FAM163B: variants seen among roughly 807,000 people sequenced by gnomAD.
The protein encoded by FAM163B is family with sequence similarity 163 member B, also known as protein FAM163B.
A neutral mutation model predicts 7.6 loss-of-function variants in FAM163B; 4 were observed. The observed-to-expected ratio is 0.52, with a 90% CI of 0.26 to 1.20. The LOEUF (loss-of-function observed/expected upper bound fraction) is 1.20. Ranked by LOEUF, FAM163B falls within the 50% of genes most tolerant of loss-of-function variation. The pLI is 0.14. For missense variants in FAM163B, 250 were observed against 243.0 expected (o/e 1.03, Z -0.19); for synonymous variants, 120 against 111.6 (o/e 1.07, Z -0.47).
In FAM163B at chr9:133,606,020, G is replaced by C. The variant is rs763275544; in HGVS notation, c.-24+3057C>G. ...GGGCTCCCAGAGCCTGGTTCCTGTG[G>C]ACTGCGGCGGAAAGCCCAACCACTG... On this transcript the variant is annotated intron_variant, in intron 1 of 2. Transcript: ENST00000673969. This position sits in a 1 kb window ranked among gnomAD's most constrained non-coding sequence, Gnocchi z 4.0. Among the ~76,000 whole-genome samples the C allele has an allele frequency of 7.2e-5, 11 of 152,196 alleles. No individual in the cohort carries two copies. Among genetic ancestry groups the C allele is most frequent in the Non-Finnish European group, 1.2e-4 (8 of 68,050 alleles).
chr9:133,578,861 C>A lies in FAM163B; in HGVS notation c.*161G>T. The A allele has an allele frequency of 7.4e-7, 1 of 1,349,288 alleles. No individual in the cohort carries two copies. The highest frequency in any genetic ancestry group is 9.7e-7 in the Non-Finnish European group (1 of 1,026,720). 83.6% of individuals were successfully genotyped at this position (1,349,288 alleles called of 1,614,324 possible). ...TGTTCAATGAGCCTTATCCCTGCCA[C>A]GAGCCTGGGGGCTCCCCAAGCCTGG... is the stretch of plus-strand genomic sequence containing the variant. On this transcript the variant is annotated 3_prime_UTR_variant, in exon 3 of 3. Transcript: ENST00000673969.
Position 133,603,246 on chromosome 9 carries a change from C to A in FAM163B, c.-24+5831G>T, listed in dbSNP as rs117760184. Among the ~76,000 whole-genome samples the A allele has an allele frequency of 4.5e-3, 682 of 152,302 alleles. 4 individuals are homozygous for A. Among genetic ancestry groups the A allele is most frequent in the Non-Finnish European group, 5.4e-3 (369 of 68,022 alleles). ...ATGCTACAGAGAAACCACTGATGCA[C>A]CCAGGCGCCTCCTCCCCTACTGCTG... On this transcript the variant is annotated intron_variant, in intron 1 of 2. Transcript: ENST00000673969.
Position 133,579,030 on chromosome 9 carries a change from C to T in FAM163B, c.493G>A (p.Asp165Asn), listed in dbSNP as rs1027102743. The T allele has an allele frequency of 5.4e-5, 84 of 1,541,912 alleles. 1 individual carries two copies. Among genetic ancestry groups the T allele is most frequent in the South Asian group, 2.7e-4 (22 of 82,482 alleles). ...CCGGGGGCGGGCCCAGGTCACACGT[C>T]GGTGCTGATGCTGCGGCTCCTGGCG... ...AFARSRSIST[D>N]V Residue 165 changes from aspartate (D) to asparagine (N), a missense_variant, in exon 3 of 3, where the codon GAC (aspartate) becomes AAC (asparagine). Transcript: ENST00000673969.
At chr9:133,587,292 G>A (rs996455598) in intron 1 of FAM163B, among the ~76,000 whole-genome samples, 2 of 152,214 alleles carry the variant, frequency 1.3e-5, no homozygotes, top group Non-Finnish European at 2.9e-5. Flanking sequence ...GGGAGTCGAG[G>A]GGTGTTGTGG....
At chr9:133,591,873 C>G (rs923801584) in intron 1 of FAM163B, among the ~76,000 whole-genome samples, 7 of 152,108 alleles carry the variant, frequency 4.6e-5, no homozygotes, top group African/African-American at 1.7e-4. Flanking sequence ...TGGGGATGCA[C>G]CTGCTGGCCT....
rs1032132550 is a variant in FAM163B at position 133,609,108 on chromosome 9, G to A, written c.-55C>T. ...GCATGGGAACCGCGCTGCCCCGGCC[G>A]CGAGGACTTGGGCGCACGTGACGGG... On this transcript the variant is annotated 5_prime_UTR_variant, in exon 1 of 3. Coordinates refer to ENST00000673969, the MANE Select transcript of FAM163B (RefSeq NM_001080515.3). Among the ~76,000 whole-genome samples the A allele has an allele frequency of 7.9e-5, 12 of 152,140 alleles. No homozygotes were observed. Among genetic ancestry groups the A allele is most frequent in the Non-Finnish European group, 1.3e-4 (9 of 68,004 alleles).
chr9:133,602,085 C>G (rs113927489), intron 1 of FAM163B, among the ~76,000 whole-genome samples: 11,314 of 151,900 alleles, frequency 0.074, 502 homozygotes, highest in Non-Finnish European at 0.11. Flanking sequence ...CCCCGCCCCC[C>G]CAAACACACA....
chr9:133,597,910 A>C (rs1831655453), intron 1 of FAM163B, among the ~76,000 whole-genome samples: 1 of 152,112 alleles, frequency 6.6e-6, no homozygotes, highest in Admixed American at 6.5e-5. Flanking sequence ...TTCCAAAATG[A>C]AGGGGAGATG....
intron 1 of FAM163B, among the ~76,000 whole-genome samples, chr9:133,591,340 C>T (rs769082680): frequency 2.0e-5 from 3 of 152,234 alleles, no homozygotes; most frequent in Non-Finnish European, 4.4e-5. Context: ...CACCCAGGCC[C>T]AGCCTCAGGG....
chr9:133,580,105 T>C, intron 2 of FAM163B, 26 bp downstream of exon 2: 1 of 1,600,104 alleles, frequency 6.2e-7, no homozygotes, highest in Non-Finnish European at 8.5e-7. Flanking sequence ...CCCTGCCCTG[T>C]CCCCTTCCCC....
chr9:133,603,898 G>C (rs1344935628), intron 1 of FAM163B, among the ~76,000 whole-genome samples: 5 of 152,192 alleles, frequency 3.3e-5, no homozygotes, highest in African/African-American at 1.2e-4. Context: ...GTAGTGCAGT[G>C]GTGTGATCTT....
intron 1 of FAM163B, among the ~76,000 whole-genome samples, chr9:133,587,052 T>A (rs1214728455): frequency 6.6e-6 from 1 of 151,962 alleles, no homozygotes; most frequent in African/African-American, 2.4e-5. Flanking sequence ...TTCTAGGGAG[T>A]AAACTGAGGC....
intron 1 of FAM163B, among the ~76,000 whole-genome samples, chr9:133,605,216 T>G (rs1410418841): frequency 6.6e-6 from 1 of 152,212 alleles, no homozygotes; most frequent in Non-Finnish European, 1.5e-5. Context: ...GGAGGTAAGC[T>G]GGCACATCAG....
At chr9:133,580,920 G>A (rs1831346782) in intron 1 of FAM163B, among the ~76,000 whole-genome samples, 3 of 152,308 alleles carry the variant, frequency 2.0e-5, no homozygotes, top group South Asian at 4.1e-4. Context: ...CCTGCCTGAC[G>A]TTTGGGCTTC....
rs182418217 is a variant in FAM163B, at chr9:133,593,824, A to T, written c.-23-13578T>A. Among the ~76,000 whole-genome samples, 87 of 152,312 alleles carry T rather than the reference A, an allele frequency of 5.7e-4. 1 individual carries two copies. The highest frequency in any genetic ancestry group is 2.0e-3 in the African/African-American group (82 of 41,590). On this transcript the variant is annotated intron_variant, in intron 1 of 2. Transcript: ENST00000673969. ...CGGCCCCGAACCTCAGACACTGCCC[A>T]GGGGCTGGCAGGGCCAGTGGCTTTG...
Position 133,603,623 on chromosome 9 carries a change from G to A in FAM163B, c.-24+5454C>T, listed in dbSNP as rs925205504. Among the ~76,000 whole-genome samples, 3 of 152,290 alleles carry A rather than the reference G, an allele frequency of 2.0e-5. No individual in the cohort carries two copies. In the South Asian group the frequency reaches 6.2e-4, roughly 32 times the overall value. On this transcript the variant is annotated intron_variant, in intron 1 of 2. Transcript: ENST00000673969. ...CCAAAGTTGACAGACTAGTCCTCCT[G>A]CCTCCTGGTGATGATAGGAGCCCGC...
intron 1 of FAM163B, among the ~76,000 whole-genome samples, chr9:133,594,501 A>C (rs1037619138): frequency 1.3e-5 from 2 of 151,966 alleles, no homozygotes; most frequent in African/African-American, 4.9e-5. Context: ...TCCTGGAGCA[A>C]GCCTTTCCTG....
In FAM163B at chr9:133,601,264, T is replaced by C. The variant is rs1831725899; in HGVS notation, c.-24+7813A>G. ...CCGACTCAGTGATTCTATTATAACT[T>C]GTGCAGGTAACTCTGCTGCCCTGAG... is the stretch of plus-strand genomic sequence containing the variant. On this transcript the variant is annotated intron_variant, in intron 1 of 2. Transcript: ENST00000673969. The surrounding 1 kb of genome is among the most constrained non-coding windows in gnomAD (Gnocchi z 4.1). Among the ~76,000 whole-genome samples the C allele has an allele frequency of 6.6e-6, 1 of 152,214 alleles. No individual in the cohort carries two copies. Among genetic ancestry groups the C allele is most frequent in the South Asian group, 2.1e-4 (1 of 4,826 alleles).
rs1417510845 is a variant in FAM163B at position 133,578,915 on chromosome 9, G to C, written c.*107C>G. The C allele has an allele frequency of 4.9e-6, 7 of 1,433,576 alleles. No homozygotes were observed. Among genetic ancestry groups the C allele is most frequent in the Non-Finnish European group, 5.5e-6 (6 of 1,098,126 alleles). The allele number at this position is 1,433,576 out of a possible 1,614,324, so 88.8% of individuals were successfully genotyped here. On this transcript the variant is annotated 3_prime_UTR_variant, in exon 3 of 3. Coordinates refer to ENST00000673969, the MANE Select transcript of FAM163B (RefSeq NM_001080515.3). ...TCCCCTGAGGACAGGGATTCCAGGAGGGCTCAGCCAAGCCCCACTTGGGGC... is the reference window on the plus strand; with the variant it reads ...TCCCCTGAGGACAGGGATTCCAGGACGGCTCAGCCAAGCCCCACTTGGGGC...
Sources: allele counts gnomAD v4.1 joint callset (sites outside exome capture counted in the v4.1 genomes callset), GRCh38; gene constraint gnomAD v4.1.1; non-coding constraint Gnocchi (gnomAD v3.1); transcripts MANE v1.5; gene names NCBI Gene and HGNC (gene_info 2026-07-23, HGNC 2026-07-21).